The following MATN3 variants were observed in gnomAD, a reference collection of about 807,000 sequenced individuals.
MATN3 encodes the protein matrilin 3.
MATN3 carries 48 observed loss-of-function variants against 45.3 expected under a neutral mutation model. That is an observed-to-expected ratio of 1.06 (90% CI 0.84 to 1.35). The LOEUF (loss-of-function observed/expected upper bound fraction) is 1.35. MATN3 is among the 40% of genes most tolerant of loss of function. The pLI is 0.00. For synonymous variants in MATN3, 217 were observed against 245.9 expected, an observed-to-expected ratio of 0.88 and a Z score of 1.10; for missense variants, 599 against 628.0, an observed-to-expected ratio of 0.95 and a Z score of 0.49.
chr2:20,008,434 G>A (rs1215268568), intron 1 of MATN3, among the ~76,000 whole-genome samples: 1 of 152,116 alleles, frequency 6.6e-6, no homozygotes, highest in Non-Finnish European at 1.5e-5. Flanking sequence ...AAAAAAAGGT[G>A]ATTCAAAATT....
Position 20,006,261 on chromosome 2 carries a change from A to C in MATN3, c.273T>G (p.Ser91=). 1 of 1,603,270 alleles carries C rather than the reference A, an allele frequency of 6.2e-7. No individual in the cohort carries two copies. Among genetic ancestry groups the C allele is most frequent in the Non-Finnish European group, 8.5e-7 (1 of 1,175,562 alleles). The change falls in exon 2 of 8, where the codon TCT becomes TCG. Residue 91 remains serine, a synonymous_variant. Coordinates refer to ENST00000407540, the MANE Select transcript of MATN3 (RefSeq NM_002381.5). ...TGAATTCCAGGGGCCGTACGCTACGAGAACTATCAATGATAAACACCAGGT... is the reference window on the plus strand; with the variant it reads ...TGAATTCCAGGGGCCGTACGCTACGCGAACTATCAATGATAAACACCAGGT... ...PLDLVFIIDS[S]RSVRPLEFTK...
intron 3 of MATN3, 146 bp downstream of exon 3, chr2:20,003,015 G>A (rs1673017224): frequency 3.7e-6 from 3 of 811,650 alleles, no homozygotes; most frequent in Non-Finnish European, 5.6e-6. Context: ...CCTTTTCAGG[G>A]AAAACTGCTG....
At chr2:20,006,969 G>C (rs543870593) in intron 1 of MATN3, among the ~76,000 whole-genome samples, 4 of 152,110 alleles carry the variant, frequency 2.6e-5, no homozygotes, top group Non-Finnish European at 5.9e-5. Flanking sequence ...TGTAATCCCA[G>C]CACTTTGGGA....
intron 1 of MATN3, among the ~76,000 whole-genome samples, chr2:20,007,342 A>G (rs569149866): frequency 2.0e-5 from 3 of 152,268 alleles, no homozygotes; most frequent in African/African-American, 7.2e-5. Flanking sequence ...CAGCCTGGCC[A>G]ACTTGGTGAA....
intron 1 of MATN3, among the ~76,000 whole-genome samples, chr2:20,011,049 C>T (rs1256715534): frequency 1.3e-5 from 2 of 152,254 alleles, no homozygotes; most frequent in East Asian, 3.8e-4. Flanking sequence ...TGAGTCCTTA[C>T]AGTCCTGCTA....
intron 5 of MATN3, among the ~76,000 whole-genome samples, chr2:19,998,124 T>C (rs1257900165): frequency 6.6e-6 from 1 of 152,218 alleles, no homozygotes; most frequent in Non-Finnish European, 1.5e-5. Context: ...CTAATGCCTA[T>C]AGAATAGCTT....
rs201424723 is a variant in MATN3, at chr2:20,008,080, AG to A, written c.224-1771del. ...TGGGTTCAAGCAGTTCTCCTGCCTCAGCCTCCTGAGTAGCTGGGACTACAGG... is the reference window on the plus strand; with the variant it reads ...TGGGTTCAAGCAGTTCTCCTGCCTCACCTCCTGAGTAGCTGGGACTACAGG... On this transcript the variant is annotated intron_variant, in intron 1 of 7. Coordinates refer to ENST00000407540, the MANE Select transcript of MATN3 (RefSeq NM_002381.5). Among the ~76,000 whole-genome samples the A allele has an allele frequency of 3.2e-3, 480 of 152,276 alleles. 19 individuals carry two copies. In the East Asian group the frequency reaches 0.075, roughly 24 times the overall value.
At chr2:19,997,044 A>C in intron 6 of MATN3, 90 bp downstream of exon 6, 1 of 1,401,394 alleles carries the variant, frequency 7.1e-7, no homozygotes, top group Non-Finnish European at 9.9e-7. Flanking sequence ...GGGAGAAAGA[A>C]TCACAACTGT....
In MATN3 at chr2:20,010,064, T is replaced by TCCAAAA. The variant is rs1247085339; in HGVS notation, c.223+2344_223+2345insTTTTGG. 4.1e-3 allele frequency among the ~76,000 whole-genome samples: 44 copies of TCCAAAA among 10,772 alleles called. 2 individuals are homozygous for TCCAAAA. The highest frequency in any genetic ancestry group is 5.6e-3 in the Non-Finnish European group (43 of 7,730). 7.1% of individuals were successfully genotyped at this position (10,772 alleles called of 152,430 possible). ...TTGTCTCAGAATAAATCTCTTCAAA[T>TCCAAAA]ACTAAAAAAAAAAAAAAAAAAAAAA... On this transcript the variant is annotated intron_variant, in intron 1 of 7. Coordinates refer to ENST00000407540, the MANE Select transcript of MATN3 (RefSeq NM_002381.5).
chr2:19,997,349 C>T (rs1672894733), intron 5 of MATN3, 90 bp from the exon 6 acceptor site: 1 of 1,375,948 alleles, frequency 7.3e-7, no homozygotes, highest in Admixed American at 2.5e-5. Context: ...TCCATTTGGT[C>T]CCCACAAGTG....
At chr2:19,994,899 G>A (rs1672832548) in intron 6 of MATN3, among the ~76,000 whole-genome samples, 1 of 151,732 alleles carries the variant, frequency 6.6e-6, no homozygotes, top group Non-Finnish European at 1.5e-5. Context: ...GACCACCCTG[G>A]GCAACGAAGC....
Position 20,000,538 on chromosome 2 carries a change from A to ATGGG in MATN3, c.1067_1070dup (p.Gly358ProfsTer10). The ATGGG allele has an allele frequency of 2.5e-6, 4 of 1,611,110 alleles. No individual in the cohort carries two copies. The highest frequency in any genetic ancestry group is 2.2e-5 in the East Asian group (1 of 44,798). On this transcript the variant is annotated frameshift_variant, in exon 5 of 8. Coordinates refer to ENST00000407540, the MANE Select transcript of MATN3 (RefSeq NM_002381.5). LOFTEE classifies it high-confidence loss of function. ...CATTCACACAAATGTGCTGACACCC[A>ATGGG]TGGGTACCCAAAGCACATTTATCTT...
chr2:20,006,246 G>A lies in MATN3; in HGVS notation c.288C>T (p.Pro96=). The change falls in exon 2 of 8, where the codon CCC becomes CCT. Residue 96 remains proline (P), a synonymous_variant. Transcript: ENST00000407540. ...AAGTTTTCACTTTGGTGAATTCCAG[G>A]GGCCGTACGCTACGAGAACTATCAA... ...FIIDSSRSVR[P]LEFTKVKTFV... is the part of the protein sequence containing the mutation. 6.2e-7 allele frequency: 1 copy of A among 1,610,518 alleles called. No homozygotes were observed. Among genetic ancestry groups the A allele is most frequent in the South Asian group, 1.1e-5 (1 of 90,760 alleles).
intron 6 of MATN3, 38 bp downstream of exon 6, chr2:19,997,095 TC>T: frequency 6.2e-7 from 1 of 1,604,424 alleles, no homozygotes. Context: ...TGAAAAATTT[TC>T]CTACCAAAGG....
chr2:20,000,311 CA>C, intron 5 of MATN3, 129 bp downstream of exon 5: 2 of 749,634 alleles, frequency 2.7e-6, no homozygotes, highest in Non-Finnish European at 4.2e-6. Context: ...TGTGTGCCTT[CA>C]TCTAAAAGTG....
intron 1 of MATN3, among the ~76,000 whole-genome samples, chr2:20,009,997 G>C (rs959684411): frequency 7.0e-6 from 1 of 142,460 alleles, no homozygotes; most frequent in Non-Finnish European, 1.5e-5. Flanking sequence ...CATGTACTCA[G>C]GACCTCTTGA....
chr2:20,007,186 C>T (rs1243094410), intron 1 of MATN3, among the ~76,000 whole-genome samples: 2 of 151,122 alleles, frequency 1.3e-5, no homozygotes, highest in African/African-American at 2.4e-5. Context: ...CCAGCCTGGG[C>T]AACAGAGCGA....
Position 20,012,512 on chromosome 2 carries a change from C to T in MATN3, c.120G>A (p.Glu40=), listed in dbSNP as rs1362388449. The change falls in exon 1 of 8, where the codon GAG becomes GAA. Residue 40 remains glutamate, a synonymous_variant. Transcript: ENST00000407540. This position sits in a 1 kb window ranked among gnomAD's most constrained non-coding sequence, Gnocchi z 4.3. ...PVARPGFRRL[E]TRGPGGSPGR... is the part of the protein sequence containing the mutation. The stretch of plus-strand genomic sequence containing the variant: ...CAGGGCTGCCCCCGGGACCTCGGGT[C>T]TCCAGCCTCCGGAAGCCCGGGCGGG... The T allele has an allele frequency of 4.1e-6, 5 of 1,228,448 alleles. No individual in the cohort carries two copies. The highest frequency in any genetic ancestry group is 5.1e-6 in the Non-Finnish European group (5 of 986,000). The allele number at this position is 1,228,448 out of a possible 1,614,324, so 76.1% of individuals were successfully genotyped here.
Position 20,007,071 on chromosome 2 carries a change from G to A in MATN3, c.224-761C>T, listed in dbSNP as rs538456248. On this transcript the variant is annotated intron_variant, in intron 1 of 7. Transcript: ENST00000407540. ...AAAATACAAAAAATTAGCCGGGCGT[G>A]GTAGTGGGTGCCTGTATTCCCAGCT... 8.0e-4 allele frequency among the ~76,000 whole-genome samples: 122 copies of A among 152,342 alleles called. 1 individual carries two copies. The highest frequency in any genetic ancestry group is 2.8e-3 in the African/African-American group (117 of 41,574).
Sources: allele counts gnomAD v4.1 joint callset (sites outside exome capture counted in the v4.1 genomes callset), GRCh38; gene constraint gnomAD v4.1.1; non-coding constraint Gnocchi (gnomAD v3.1); transcripts MANE v1.5; gene names NCBI Gene and HGNC (gene_info 2026-07-23, HGNC 2026-07-21).